Variants in SPCS2 observed in about 807,000 individuals in gnomAD.
SPCS2 encodes signal peptidase complex subunit 2, also known as SPase 25 kDa subunit.
SPCS2 carries 3 observed loss-of-function variants against 22.3 expected under a neutral mutation model. That is an observed-to-expected ratio of 0.13 (90% CI 0.06 to 0.35). The LOEUF is 0.35. SPCS2 is among the 10% of genes least tolerant of loss of function. The probability of loss-of-function intolerance (pLI) is 1.00; values close to 1 mark genes in which losing one functional copy is unlikely to be tolerated. For synonymous variants in SPCS2, 67 were observed against 97.2 expected (o/e 0.69, Z 1.83); for missense variants, 169 against 280.9 (o/e 0.60, Z 2.85).
At chr11:74,966,306 T>G (rs1302663595) in intron 3 of SPCS2, among the ~76,000 whole-genome samples, 1 of 152,198 alleles carries the variant, frequency 6.6e-6, no homozygotes, top group Non-Finnish European at 1.5e-5. Flanking sequence ...GGATCTGATT[T>G]TGGAGACTCA....
At chr11:74,953,276 C>T (rs1325859607) in intron 1 of SPCS2, among the ~76,000 whole-genome samples, 3 of 151,668 alleles carry the variant, frequency 2.0e-5, no homozygotes, top group African/African-American at 7.3e-5. Flanking sequence ...CACTGCAACC[C>T]CCGCCTCCCA....
chr11:74,963,234 A>G (rs1948524166), intron 1 of SPCS2, among the ~76,000 whole-genome samples: 1 of 152,028 alleles, frequency 6.6e-6, no homozygotes, highest in South Asian at 2.1e-4. Context: ...GTCGTGTTTG[A>G]TTTGTAGGCT....
At chr11:74,973,744 C>A (rs1948600122) in intron 4 of SPCS2, among the ~76,000 whole-genome samples, 1 of 152,090 alleles carries the variant, frequency 6.6e-6, no homozygotes, top group Admixed American at 6.5e-5. Flanking sequence ...TAGGCCTCCT[C>A]CCCCATCTTT....
At chr11:74,966,844 G>A (rs1948548896) in intron 3 of SPCS2, among the ~76,000 whole-genome samples, 1 of 152,052 alleles carries the variant, frequency 6.6e-6, no homozygotes, top group Admixed American at 6.6e-5. Flanking sequence ...ACTCACTGCA[G>A]CGTCAGCCTC....
chr11:74,956,090 A>G (rs932855339), intron 1 of SPCS2, among the ~76,000 whole-genome samples: 6 of 151,518 alleles, frequency 4.0e-5, no homozygotes, highest in South Asian at 2.1e-4. Context: ...TCCTACGTCA[A>G]CTAGTCTTTG....
chr11:74,975,032 C>T (rs1591743312), intron 4 of SPCS2, among the ~76,000 whole-genome samples: 3 of 152,104 alleles, frequency 2.0e-5, no homozygotes, highest in African/African-American at 7.2e-5. Context: ...GTCTTTTGCT[C>T]AAAACTCTCT....
intron 1 of SPCS2, among the ~76,000 whole-genome samples, chr11:74,960,573 T>C (rs567690408): frequency 2.2e-4 from 33 of 150,096 alleles, no homozygotes; most frequent in African/African-American, 7.8e-4. Context: ...AATGTATAGC[T>C]GTCACTTCAG....
intron 1 of SPCS2, among the ~76,000 whole-genome samples, chr11:74,960,760 A>G (rs901015389): frequency 2.6e-5 from 4 of 152,128 alleles, no homozygotes; most frequent in African/African-American, 9.7e-5. Flanking sequence ...CTGTAAAAGG[A>G]GGATTTTAAC....
chr11:74,964,930 G>A, intron 1 of SPCS2, 104 bp from the exon 2 acceptor site: 1 of 716,600 alleles, frequency 1.4e-6, no homozygotes. Context: ...AAGACAAAGA[G>A]TAAATATTAT....
At chr11:74,954,228 T>C (rs1160442942) in intron 1 of SPCS2, among the ~76,000 whole-genome samples, 1 of 152,230 alleles carries the variant, frequency 6.6e-6, no homozygotes, top group Non-Finnish European at 1.5e-5. Flanking sequence ...AATGAAGAGA[T>C]CCTGAAACTC....
At chr11:74,970,349 T>C (rs537319932) in intron 4 of SPCS2, among the ~76,000 whole-genome samples, 55 of 152,358 alleles carry the variant, frequency 3.6e-4, no homozygotes, top group African/African-American at 1.2e-3. Context: ...TACTGTATGT[T>C]GGGTATTCTG....
intron 1 of SPCS2, among the ~76,000 whole-genome samples, chr11:74,951,810 CA>C (rs61038317): frequency 0.039 from 3,184 of 81,336 alleles, 122 homozygotes; most frequent in African/African-American, 0.13. Context: ...AACTCTGTCT[CA>C]AAAAAAAAAA....
chr11:74,951,594 T>C (rs1234043582), intron 1 of SPCS2, among the ~76,000 whole-genome samples: 1 of 151,968 alleles, frequency 6.6e-6, no homozygotes, highest in Non-Finnish European at 1.5e-5. Context: ...GCGGATCACC[T>C]GAGGTCGGAA....
Position 74,978,787 on chromosome 11 carries a change from A to T in SPCS2, c.*1744A>T, listed in dbSNP as rs1948629436. ...GAGGGCCAACTGTACTGTTAGACAC[A>T]AGGGTCTCGAGGCTTGCAGATAGAG... On this transcript the variant is annotated 3_prime_UTR_variant, in exon 5 of 5. Transcript: ENST00000263672. 6.6e-6 allele frequency: 1 copy of T among 152,190 alleles called. No individual in the cohort carries two copies. The highest frequency in any genetic ancestry group is 2.4e-5 in the African/African-American group (1 of 41,436). 9.4% of individuals were successfully genotyped at this position (152,190 alleles called of 1,614,324 possible).
At chr11:74,969,513 TG>T (rs765733308) in intron 3 of SPCS2, 51 bp from the exon 4 acceptor site, 580 of 1,556,758 alleles carry the variant, frequency 3.7e-4, no homozygotes, top group Non-Finnish European at 4.8e-4. Context: ...CTTGTCAATT[TG>T]TGTTACTTCT....
chr11:74,960,344 C>T (rs981337826), intron 1 of SPCS2, among the ~76,000 whole-genome samples: 3 of 151,936 alleles, frequency 2.0e-5, no homozygotes, highest in African/African-American at 7.3e-5. Context: ...AAAAAGTTGT[C>T]TTTATCTCTT....
intron 3 of SPCS2, among the ~76,000 whole-genome samples, chr11:74,967,067 C>T (rs1452823773): frequency 6.6e-6 from 1 of 152,176 alleles, no homozygotes; most frequent in Non-Finnish European, 1.5e-5. Flanking sequence ...TTTAAAACTT[C>T]ATGTTGGGGA....
chr11:74,966,073 A>G (rs1948543450), intron 3 of SPCS2, 150 bp downstream of exon 3: 2 of 689,552 alleles, frequency 2.9e-6, no homozygotes, highest in Admixed American at 2.9e-5. Flanking sequence ...TATATAGTAA[A>G]TATCTATCAG....
chr11:74,977,035 A>G lies in SPCS2; in HGVS notation c.673A>G (p.Ile225Val). 1 of 1,480,752 alleles carries G rather than the reference A, an allele frequency of 6.8e-7. No individual in the cohort carries two copies. The highest frequency in any genetic ancestry group is 1.4e-5 in the African/African-American group (1 of 70,202). The allele number at this position is 1,480,752 out of a possible 1,614,324, so 91.7% of individuals were successfully genotyped here. The change falls in exon 5 of 5, where the codon ATA becomes GTA. Residue 225 changes from isoleucine (I) to valine (V), a missense_variant. Physicochemically the swap from Ile to Val is conservative, Grantham distance 29. This residue lies in a region of SPCS2 where 118 missense variants were observed against 243.1 expected (regional missense o/e 0.49). Transcript: ENST00000263672. ...LHDSLAIERK[I>V]K Reference sequence around the variant, plus strand: ...TGACAGTCTTGCCATAGAAAGAAAAATAAAGTAGCCAATTCTAAAAGTAGC... The same window carrying G: ...TGACAGTCTTGCCATAGAAAGAAAAGTAAAGTAGCCAATTCTAAAAGTAGC...
Sources: allele counts gnomAD v4.1 joint callset (sites outside exome capture counted in the v4.1 genomes callset), GRCh38; gene constraint gnomAD v4.1.1; regional missense constraint gnomAD v4.1.1; transcripts MANE v1.5; gene names NCBI Gene and HGNC (gene_info 2026-07-23, HGNC 2026-07-21).